BCAS3: variants seen among roughly 807,000 people sequenced by gnomAD.
BCAS3 encodes BCAS3 microtubule associated cell migration factor, also known as BCAS4/BCAS3 fusion.
In BCAS3, 53 loss-of-function variants were observed where a neutral mutation model predicts 116.1. The observed-to-expected ratio is 0.46, with a 90% CI of 0.37 to 0.57. The LOEUF (loss-of-function observed/expected upper bound fraction) is 0.57, where lower values mean the gene tolerates loss of function less well. Among genes scored for constraint, BCAS3 ranks in the 20% least tolerant of loss-of-function variants. The pLI is 0.00. For synonymous variants in BCAS3, 391 were observed against 408.2 expected (o/e 0.96, Z 0.51); for missense variants, 917 against 1,165.4 (o/e 0.79, Z 3.10).
chr17:61,068,826 A>C lies in BCAS3; in HGVS notation c.2030-6094A>C, dbSNP rs1261490389. Among the ~76,000 whole-genome samples, 2 of 152,214 alleles carry C rather than the reference A, an allele frequency of 1.3e-5. No individual in the cohort carries two copies. The highest frequency in any genetic ancestry group is 2.9e-5 in the Non-Finnish European group (2 of 68,044). On this transcript the variant is annotated intron_variant, in intron 19 of 23. Coordinates refer to ENST00000407086, the MANE Select transcript of BCAS3 (RefSeq NM_017679.5). The surrounding 1 kb of genome is among the most constrained non-coding windows in gnomAD (Gnocchi z 4.3). Reference sequence around the variant, plus strand: ...AATATTTGAGTGGTTAGAAGCATGGAAACTTTGCTCTTATCATATTTTCTT... The same window carrying C: ...AATATTTGAGTGGTTAGAAGCATGGCAACTTTGCTCTTATCATATTTTCTT...
At chr17:61,048,779 T>C (rs2068577662) in intron 19 of BCAS3, among the ~76,000 whole-genome samples, 2 of 151,944 alleles carry the variant, frequency 1.3e-5, no homozygotes, top group South Asian at 4.2e-4. Flanking sequence ...TTTTCCAGTA[T>C]TCAACAGAAT....
chr17:60,876,284 A>T (rs958059688), intron 9 of BCAS3, among the ~76,000 whole-genome samples: 2 of 151,980 alleles, frequency 1.3e-5, no homozygotes, highest in Non-Finnish European at 2.9e-5. Context: ...CTTATGTCCC[A>T]TTTAATTTGA....
intron 14 of BCAS3, among the ~76,000 whole-genome samples, chr17:60,972,444 C>CTTTTT (rs150860541): frequency 2.6e-5 from 3 of 114,124 alleles, no homozygotes; most frequent in African/African-American, 7.7e-5. Flanking sequence ...CTCACTTGGC[C>CTTTTT]TTTTTTTTTT....
At chr17:60,855,704 A>G (rs1195312723) in intron 7 of BCAS3, among the ~76,000 whole-genome samples, 1 of 151,520 alleles carries the variant, frequency 6.6e-6, no homozygotes, top group Non-Finnish European at 1.5e-5. Context: ...TTTTCCTTTG[A>G]GACAGGGTCT....
intron 6 of BCAS3, among the ~76,000 whole-genome samples, chr17:60,758,811 A>G (rs2043232474): frequency 6.6e-6 from 1 of 152,006 alleles, no homozygotes; most frequent in African/African-American, 2.4e-5. Flanking sequence ...TTTTGGTATG[A>G]TGTGTTTCCA....
In BCAS3 at chr17:60,902,634, T is replaced by C. The variant is rs768848768; in HGVS notation, c.753T>C (p.His251=). Residue 251 remains histidine (H), a synonymous_variant, in exon 11 of 24, where the codon CAT becomes CAC. Coordinates refer to ENST00000407086, the MANE Select transcript of BCAS3 (RefSeq NM_017679.5). ...CTTTTTCTCAGTTGATTCGATGTCA[T>C]CAGTCCCGTGGTGGAGCCTGTGGAG... ...AYAENKLIRC[H]QSRGGACGDN... The C allele has an allele frequency of 1.2e-6, 2 of 1,611,330 alleles. No homozygotes were observed. Among genetic ancestry groups the C allele is most frequent in the Non-Finnish European group, 1.7e-6 (2 of 1,177,490 alleles).
At chr17:60,768,112 C>T (rs1252468315) in intron 6 of BCAS3, among the ~76,000 whole-genome samples, 1 of 152,102 alleles carries the variant, frequency 6.6e-6, no homozygotes, top group Non-Finnish European at 1.5e-5. Context: ...GGGTAGGGTG[C>T]TTTGACTTTG....
chr17:61,375,009 T>C (rs2059261443), intron 23 of BCAS3, among the ~76,000 whole-genome samples: 2 of 152,256 alleles, frequency 1.3e-5, no homozygotes, highest in South Asian at 4.1e-4. Context: ...GGCTTTAAGA[T>C]TATGTTCAAC....
intron 9 of BCAS3, among the ~76,000 whole-genome samples, chr17:60,878,476 G>A (rs1034381814): frequency 6.6e-6 from 1 of 152,072 alleles, no homozygotes; most frequent in Non-Finnish European, 1.5e-5. Context: ...TTCAATATGT[G>A]TACACTTTGT....
At chr17:60,711,536 G>T (rs1431228697) in intron 5 of BCAS3, among the ~76,000 whole-genome samples, 1 of 152,076 alleles carries the variant, frequency 6.6e-6, no homozygotes, top group Non-Finnish European at 1.5e-5. Flanking sequence ...TGACTGGATT[G>T]AACACATTCC....
At chr17:61,372,467 G>GATTTCCAAATAATT (rs2059100614) in intron 23 of BCAS3, among the ~76,000 whole-genome samples, 2 of 152,114 alleles carry the variant, frequency 1.3e-5, no homozygotes, top group African/African-American at 2.4e-5. Context: ...AGTTGGCTTT[G>GATTTCCAAATAATT]TCTCCTGATC....
At chr17:60,767,350 T>TTC (rs1175200060) in intron 6 of BCAS3, among the ~76,000 whole-genome samples, 1 of 146,986 alleles carries the variant, frequency 6.8e-6, no homozygotes, top group East Asian at 2.0e-4. Context: ...CTTTTTTTTT[T>TTC]TTTTTTTTTT....
chr17:61,341,003 A>G (rs1038775245), intron 22 of BCAS3, among the ~76,000 whole-genome samples: 1 of 152,176 alleles, frequency 6.6e-6, no homozygotes, highest in Non-Finnish European at 1.5e-5. Flanking sequence ...GGGCGCTGGA[A>G]GGGAGGAGGG....
intron 22 of BCAS3, among the ~76,000 whole-genome samples, chr17:61,103,090 A>G (rs2074427001): frequency 1.3e-5 from 2 of 152,144 alleles, no homozygotes; most frequent in Non-Finnish European, 2.9e-5. Flanking sequence ...ATATATTCCA[A>G]TAACAGATTA....
chr17:61,347,362 A>G lies in BCAS3; in HGVS notation c.2426-20965A>G, dbSNP rs144840245. 5.9e-3 allele frequency among the ~76,000 whole-genome samples: 902 copies of G among 152,288 alleles called. 12 individuals are homozygous for G. The highest frequency in any genetic ancestry group is 0.021 in the African/African-American group (854 of 41,564). ...CTCCCAAAGTGCTGGGATTATAGGC[A>G]TGAGCCACCGCACCCGGCCAGAATC... On this transcript the variant is annotated intron_variant, in intron 22 of 23. Transcript: ENST00000407086. This position sits in a 1 kb window ranked among gnomAD's most constrained non-coding sequence, Gnocchi z 4.3.
intron 6 of BCAS3, among the ~76,000 whole-genome samples, chr17:60,807,548 G>T (rs2048389535): frequency 6.6e-6 from 1 of 152,136 alleles, no homozygotes; most frequent in Non-Finnish European, 1.5e-5. Context: ...TTGGGAGGTT[G>T]AGGCGGGTGG....
rs1404718507 is a variant in BCAS3 at position 61,381,951 on chromosome 17, A to G, written c.2594-10026A>G. Among the ~76,000 whole-genome samples the G allele has an allele frequency of 6.6e-6, 1 of 152,208 alleles. No homozygotes were observed. The highest frequency in any genetic ancestry group is 1.5e-5 in the Non-Finnish European group (1 of 68,042). Reference sequence around the variant, plus strand: ...CCCCAACCTTCATTGGTCTCTGGGTAGCAGCCACAGCCGCAATAAGTCATT... The same window carrying G: ...CCCCAACCTTCATTGGTCTCTGGGTGGCAGCCACAGCCGCAATAAGTCATT... On this transcript the variant is annotated intron_variant, in intron 23 of 23. Transcript: ENST00000407086. This position sits in a 1 kb window ranked among gnomAD's most constrained non-coding sequence, Gnocchi z 6.0.
chr17:61,274,207 G>C (rs1317971023), intron 22 of BCAS3, among the ~76,000 whole-genome samples: 1 of 151,084 alleles, frequency 6.6e-6, no homozygotes, highest in East Asian at 1.9e-4. Context: ...AGAACATGCG[G>C]TGTTTAGTTT....
intron 5 of BCAS3, among the ~76,000 whole-genome samples, chr17:60,715,655 T>C (rs933213444): frequency 1.3e-5 from 2 of 151,164 alleles, no homozygotes; most frequent in African/African-American, 2.4e-5. Flanking sequence ...GTCCGGTTAA[T>C]TTTTGTATTT....
Sources: allele counts gnomAD v4.1 joint callset (sites outside exome capture counted in the v4.1 genomes callset), GRCh38; gene constraint gnomAD v4.1.1; non-coding constraint Gnocchi (gnomAD v3.1); transcripts MANE v1.5; gene names NCBI Gene and HGNC (gene_info 2026-07-23, HGNC 2026-07-21).